Variants in ZBTB20 observed in about 807,000 individuals in gnomAD.
ZBTB20 encodes the protein zinc finger and BTB domain-containing protein 20.
ZBTB20 carries 9 observed loss-of-function variants against 56.9 expected under a neutral mutation model. That is an observed-to-expected ratio of 0.16 (90% CI 0.10 to 0.28). The LOEUF (loss-of-function observed/expected upper bound fraction) is 0.28, where lower values mean the gene tolerates loss of function less well. ZBTB20 is among the 10% of genes least tolerant of loss of function. The pLI is 1.00. For synonymous variants in ZBTB20, 417 were observed against 420.7 expected, an observed-to-expected ratio of 0.99 and a Z score of 0.11; for missense variants, 655 against 1,003.0, an observed-to-expected ratio of 0.65 and a Z score of 4.69.
chr3:115,128,642 C>T (rs2084405600), intron 1 of ZBTB20, among the ~76,000 whole-genome samples: 3 of 146,928 alleles, frequency 2.0e-5, no homozygotes, highest in Non-Finnish European at 4.5e-5. Flanking sequence ...CCATCCTGGG[C>T]AACAGTGCAA....
At chr3:114,568,207 T>G (rs1000346287) in intron 6 of ZBTB20, among the ~76,000 whole-genome samples, 1 of 152,096 alleles carries the variant, frequency 6.6e-6, no homozygotes, top group African/African-American at 2.4e-5. Context: ...TACAACTAAT[T>G]AGTAAAATTC....
At chr3:115,078,484 T>C (rs1411947557) in intron 1 of ZBTB20, among the ~76,000 whole-genome samples, 1 of 152,074 alleles carries the variant, frequency 6.6e-6, no homozygotes, top group African/African-American at 2.4e-5. Context: ...CTTAGCTAAC[T>C]TCAATATTGG....
intron 6 of ZBTB20, among the ~76,000 whole-genome samples, chr3:114,568,801 T>C (rs752100325): frequency 6.6e-5 from 10 of 152,328 alleles, no homozygotes; most frequent in Non-Finnish European, 1.5e-4. Flanking sequence ...TAGTAGTAAG[T>C]AATGAACCAG....
intron 4 of ZBTB20, among the ~76,000 whole-genome samples, chr3:114,868,672 C>T (rs1326630952): frequency 6.6e-6 from 1 of 152,096 alleles, no homozygotes; most frequent in Non-Finnish European, 1.5e-5. Flanking sequence ...TTGTTTATAC[C>T]AGTTGCACAT....
chr3:115,005,632 AAGAG>A (rs1185848741), intron 2 of ZBTB20, among the ~76,000 whole-genome samples: 1 of 151,798 alleles, frequency 6.6e-6, no homozygotes, highest in Non-Finnish European at 1.5e-5. Flanking sequence ...TTAAGAACCA[AAGAG>A]AGAGAGTAGG....
intron 6 of ZBTB20, among the ~76,000 whole-genome samples, chr3:114,500,741 C>A (rs773020737): frequency 2.5e-4 from 38 of 152,174 alleles, no homozygotes; most frequent in Admixed American, 1.3e-4. Flanking sequence ...CCACATTTGT[C>A]TATTTAAATT....
At chr3:114,973,411 GT>G (rs1488867841) in intron 3 of ZBTB20, among the ~76,000 whole-genome samples, 1 of 152,218 alleles carries the variant, frequency 6.6e-6, no homozygotes, top group African/African-American at 2.4e-5. Flanking sequence ...TGAGAATGAA[GT>G]TTTTTTCAGT....
intron 11 of ZBTB20, among the ~76,000 whole-genome samples, chr3:114,344,289 T>A (rs1356935413): frequency 6.6e-6 from 1 of 152,214 alleles, no homozygotes. Context: ...TTTCTTAAAA[T>A]TTTGTGAATA....
At position 114,977,185 on chromosome 3, in the gene ZBTB20, G is replaced by A. The variant is rs4367035; in HGVS notation, c.-506-2769C>T. 3.7e-3 allele frequency among the ~76,000 whole-genome samples: 559 copies of A among 152,234 alleles called. 4 individuals are homozygous for A. Among genetic ancestry groups the A allele is most frequent in the African/African-American group, 0.013 (520 of 41,570 alleles). On this transcript the variant is annotated intron_variant, in intron 2 of 11. Coordinates refer to ENST00000675478, the MANE Select transcript of ZBTB20 (RefSeq NM_001348800.3). ...GATTAACACATTTTTCCAGTGAAGG[G>A]ACATTGCTACACAGATATCTGATTC...
At position 114,431,511 on chromosome 3, in the gene ZBTB20, A is replaced by G. The variant is rs117912926; in HGVS notation, c.-254-42406T>C. Among the ~76,000 whole-genome samples, 24 of 152,344 alleles carry G rather than the reference A, an allele frequency of 1.6e-4. No homozygotes were observed. In the East Asian group the frequency reaches 4.4e-3, roughly 28 times the overall value. On this transcript the variant is annotated intron_variant, in intron 7 of 11. Coordinates refer to ENST00000675478, the MANE Select transcript of ZBTB20 (RefSeq NM_001348800.3). The stretch of plus-strand genomic sequence containing the variant: ...ACGACAGCTAATGATTCATTATGTT[A>G]AAGTTATTTATTATTTACAATTATT...
At chr3:114,622,687 A>G (rs2058400712) in intron 6 of ZBTB20, among the ~76,000 whole-genome samples, 1 of 152,204 alleles carries the variant, frequency 6.6e-6, no homozygotes, top group African/African-American at 2.4e-5. Context: ...CTGAGTACCA[A>G]TGTAATACGC....
intron 7 of ZBTB20, among the ~76,000 whole-genome samples, chr3:114,478,377 C>T (rs903649070): frequency 2.0e-5 from 3 of 152,188 alleles, no homozygotes; most frequent in Non-Finnish European, 4.4e-5. Context: ...TACCTTTCTC[C>T]TTCCCATTCA....
At chr3:114,705,025 T>C (rs2063629953) in intron 5 of ZBTB20, among the ~76,000 whole-genome samples, 1 of 152,150 alleles carries the variant, frequency 6.6e-6, no homozygotes, top group African/African-American at 2.4e-5. Context: ...TATCTCTATA[T>C]AGTAGGTATT....
intron 5 of ZBTB20, among the ~76,000 whole-genome samples, chr3:114,798,684 A>T: frequency 6.6e-6 from 1 of 152,046 alleles, no homozygotes; most frequent in Middle Eastern, 3.2e-3. Flanking sequence ...TGTTTCTTAC[A>T]TCCTTTCCCA....
At chr3:114,892,612 A>T (rs1039121125) in intron 4 of ZBTB20, among the ~76,000 whole-genome samples, 3 of 151,670 alleles carry the variant, frequency 2.0e-5, no homozygotes, top group Non-Finnish European at 4.4e-5. Context: ...ATCTGCTCCA[A>T]GACCAATGCT....
intron 6 of ZBTB20, among the ~76,000 whole-genome samples, chr3:114,661,724 G>C (rs2060734879): frequency 6.6e-6 from 1 of 152,030 alleles, no homozygotes; most frequent in African/African-American, 2.4e-5. Context: ...CATTTCATGA[G>C]TTTGTCTACT....
At position 114,745,699 on chromosome 3, in the gene ZBTB20, A is replaced by C. The variant is rs182517486; in HGVS notation, c.-342-52124T>G. The stretch of plus-strand genomic sequence containing the variant: ...GACATAAACTGTTTCAAAGAAACTC[A>C]GAGAGAGCAAATGCATATTCACAAA... On this transcript the variant is annotated intron_variant, in intron 5 of 11. Coordinates refer to ENST00000675478, the MANE Select transcript of ZBTB20 (RefSeq NM_001348800.3). Among the ~76,000 whole-genome samples the C allele has an allele frequency of 3.9e-5, 6 of 152,324 alleles. No homozygotes were observed. In the East Asian group the frequency reaches 1.2e-3, roughly 29 times the overall value.
chr3:114,962,023 T>G (rs1463941969), intron 3 of ZBTB20, among the ~76,000 whole-genome samples: 2 of 152,110 alleles, frequency 1.3e-5, no homozygotes, highest in African/African-American at 4.8e-5. Flanking sequence ...TTACTGCTGT[T>G]GCATAAGTTA....
At chr3:114,757,708 A>C (rs2068107907) in intron 5 of ZBTB20, among the ~76,000 whole-genome samples, 1 of 152,156 alleles carries the variant, frequency 6.6e-6, no homozygotes, top group Non-Finnish European at 1.5e-5. Flanking sequence ...CCCTATACCA[A>C]GACAAATTAC....
Sources: allele counts gnomAD v4.1 joint callset (sites outside exome capture counted in the v4.1 genomes callset), GRCh38; gene constraint gnomAD v4.1.1; transcripts MANE v1.5; gene names NCBI Gene and HGNC (gene_info 2026-07-23, HGNC 2026-07-21).